ABCC12: variants seen among roughly 807,000 people sequenced by gnomAD.
ABCC12 encodes the protein ATP-binding cassette sub-family C member 12.
ABCC12 carries 142 observed loss-of-function variants against 151.1 expected under a neutral mutation model. That is an observed-to-expected ratio of 0.94 (90% CI 0.82 to 1.08). The LOEUF is 1.08. Among genes scored for constraint, ABCC12 ranks in the 50% least tolerant of loss-of-function variants. ABCC12 has a pLI of 0.00. For missense variants in ABCC12, 1,638 were observed against 1,691.1 expected (o/e 0.97, Z 0.55); for synonymous variants, 645 against 646.4 (o/e 1.00, Z 0.03).
At chr16:48,097,825 C>T (rs926062192) in intron 23 of ABCC12, among the ~76,000 whole-genome samples, 6 of 152,152 alleles carry the variant, frequency 3.9e-5, no homozygotes, top group South Asian at 2.1e-4. Flanking sequence ...ACCGATGCAG[C>T]AATGCTGGCA....
rs1437472928 is a variant in ABCC12, at chr16:48,080,958, T to C, written c.*2757A>G. On this transcript the variant is annotated 3_prime_UTR_variant, in exon 31 of 31. Coordinates refer to ENST00000311303, the MANE Select transcript of ABCC12 (RefSeq NM_001393797.1). ...TCCATGGTCGAGGTGCCAACAGATT[T>C]GGTGTTGAGTGAGGGCCCATTCCTC... is the stretch of plus-strand genomic sequence containing the variant. 6.6e-6 allele frequency among the ~76,000 whole-genome samples: 1 copy of C among 152,202 alleles called. No individual in the cohort carries two copies. The highest frequency in any genetic ancestry group is 1.5e-5 in the Non-Finnish European group (1 of 68,044).
chr16:48,085,726 C>A lies in ABCC12; in HGVS notation c.3715-20G>T, dbSNP rs776927129. The stretch of plus-strand genomic sequence containing the variant: ...CATTATCTACAAAACACAAAAAATG[C>A]CACATTTGTGCTGATGATCTATAAA... On this transcript the variant is annotated intron_variant, in intron 28 of 30. Coordinates refer to ENST00000311303, the MANE Select transcript of ABCC12 (RefSeq NM_001393797.1). The A allele has an allele frequency of 6.3e-7, 1 of 1,582,682 alleles. No homozygotes were observed. Among genetic ancestry groups the A allele is most frequent in the African/African-American group, 1.3e-5 (1 of 74,252 alleles).
At chr16:48,149,156 T>C (rs867991999) in intron 2 of ABCC12, among the ~76,000 whole-genome samples, 2 of 151,454 alleles carry the variant, frequency 1.3e-5, no homozygotes, top group South Asian at 4.2e-4. Context: ...TAACATTGTG[T>C]TAGCCCTAGA....
At chr16:48,116,427 G>C (rs1017870622) in intron 14 of ABCC12, among the ~76,000 whole-genome samples, 3 of 152,210 alleles carry the variant, frequency 2.0e-5, no homozygotes, top group African/African-American at 7.2e-5. Flanking sequence ...AAATTATTCA[G>C]GTGGTGGGAC....
intron 12 of ABCC12, among the ~76,000 whole-genome samples, chr16:48,123,270 G>C (rs1428829226): frequency 6.6e-6 from 1 of 152,156 alleles, no homozygotes; most frequent in Non-Finnish European, 1.5e-5. Context: ...ACATCATTAT[G>C]TGGGGAATTG....
intron 15 of ABCC12, among the ~76,000 whole-genome samples, chr16:48,115,010 C>T (rs772224753): frequency 6.6e-6 from 1 of 152,228 alleles, no homozygotes; most frequent in East Asian, 1.9e-4. Context: ...CTACCACCCC[C>T]TGACACCCCC....
intron 19 of ABCC12, among the ~76,000 whole-genome samples, chr16:48,108,152 A>G (rs747805791): frequency 5.3e-5 from 8 of 152,224 alleles, no homozygotes; most frequent in Non-Finnish European, 1.0e-4. Context: ...TGGACTGGCC[A>G]CTGCTGTACA....
At chr16:48,128,856 G>C in intron 10 of ABCC12, 119 bp from the exon 11 acceptor site, 1 of 1,134,444 alleles carries the variant, frequency 8.8e-7, no homozygotes, top group South Asian at 1.5e-5. Context: ...CCACATCCAG[G>C]AAAGAGGTTC....
Position 48,133,768 on chromosome 16 carries a change from C to G in ABCC12, c.1047G>C (p.Leu349=), listed in dbSNP as rs755865108. The G allele has an allele frequency of 3.1e-6, 5 of 1,614,098 alleles. No individual in the cohort carries two copies. Among genetic ancestry groups the G allele is most frequent in the Non-Finnish European group, 4.2e-6 (5 of 1,180,030 alleles). The change falls in exon 9 of 31, where the codon CTG becomes CTC. Residue 349 remains leucine (L), a synonymous_variant. Transcript: ENST00000311303. ...TGGCTATGGTGGACACGATGGGGGC[C>G]AGGGCAGAGTTTCCACTTTGGACAA... The part of the protein sequence containing the change: ...AGFVQSGNSA[L]APIVSTIAIV...
Position 48,104,374 on chromosome 16 carries a change from G to A in ABCC12, c.2674-6C>T. 1 of 1,612,904 alleles carries A rather than the reference G, an allele frequency of 6.2e-7. No individual in the cohort carries two copies. The highest frequency in any genetic ancestry group is 8.5e-7 in the Non-Finnish European group (1 of 1,178,918). On this transcript the variant is annotated splice_polypyrimidine_tract_variant and splice_region_variant and intron_variant, in intron 21 of 30. Transcript: ENST00000311303. ...CTCATTGGGCTCTTTAAGATCTGTG[G>A]AGAATGGTAGAGAGTCAAACAGAGT...
intron 8 of ABCC12, 80 bp from the exon 9 acceptor site, chr16:48,133,915 G>T: frequency 1.3e-6 from 2 of 1,542,962 alleles, no homozygotes; most frequent in Non-Finnish European, 1.8e-6. Context: ...AGCCCTACTT[G>T]GTCCTCTTCC....
chr16:48,087,934 A>G lies in ABCC12; in HGVS notation c.3627T>C (p.Gly1209=). ...VIPQDPVLFV[G]TVRYNLDPFE... is the part of the protein sequence containing the mutation. The stretch of plus-strand genomic sequence containing the variant: ...TGATTAAAAACAGCTACCTTACTGT[A>G]CCTACAAACAGGACAGGATCCTGTG... Residue 1209 remains glycine, a synonymous_variant, in exon 27 of 31, where the codon GGT becomes GGC. Coordinates refer to ENST00000311303, the MANE Select transcript of ABCC12 (RefSeq NM_001393797.1). 2 of 1,612,464 alleles carry G rather than the reference A, an allele frequency of 1.2e-6. No homozygotes were observed. Among genetic ancestry groups the G allele is most frequent in the Non-Finnish European group, 1.7e-6 (2 of 1,179,052 alleles).
chr16:48,116,927 A>G (rs2150627811), intron 14 of ABCC12, among the ~76,000 whole-genome samples: 1 of 152,288 alleles, frequency 6.6e-6, no homozygotes, highest in South Asian at 2.1e-4. Context: ...CCAGTGAGGC[A>G]AGAAGGGGCC....
intron 2 of ABCC12, among the ~76,000 whole-genome samples, chr16:48,150,233 T>C (rs1965098972): frequency 6.6e-6 from 1 of 152,134 alleles, no homozygotes; most frequent in Non-Finnish European, 1.5e-5. Context: ...TGAAGTTCAA[T>C]CTAGGAAAAC....
At position 48,104,336 on chromosome 16, in the gene ABCC12, C is replaced by T. The variant is rs750986540; in HGVS notation, c.2706G>A (p.Thr902=). 1.4e-5 allele frequency: 23 copies of T among 1,612,530 alleles called. No homozygotes were observed. The highest frequency in any genetic ancestry group is 1.9e-5 in the Non-Finnish European group (23 of 1,179,986). ...GGTTCATTAGCCTGCCAGTGGGAGTCGTGTCAAAGAAACTCATTGGGCTCT... is the reference window on the plus strand; with the variant it reads ...GGTTCATTAGCCTGCCAGTGGGAGTTGTGTCAAAGAAACTCATTGGGCTCT... ...ILKSPMSFFD[T]TPTGRLMNRF... The change falls in exon 22 of 31, where the codon ACG becomes ACA. Residue 902 remains threonine (T), a synonymous_variant. Coordinates refer to ENST00000311303, the MANE Select transcript of ABCC12 (RefSeq NM_001393797.1).
intron 2 of ABCC12, among the ~76,000 whole-genome samples, chr16:48,149,593 A>C (rs1266165364): frequency 6.6e-6 from 1 of 152,170 alleles, no homozygotes; most frequent in Non-Finnish European, 1.5e-5. Flanking sequence ...TCTTAAAGCA[A>C]TTTTCTTTAA....
intron 13 of ABCC12, among the ~76,000 whole-genome samples, chr16:48,117,618 C>A (rs1825311207): frequency 6.6e-6 from 1 of 152,196 alleles, no homozygotes; most frequent in South Asian, 2.1e-4. Flanking sequence ...ACAGGAAAGC[C>A]CTGCAGGAAA....
chr16:48,141,209 C>A lies in ABCC12; in HGVS notation c.420G>T (p.Gly140=). 2 of 1,613,814 alleles carry A rather than the reference C, an allele frequency of 1.2e-6. No individual in the cohort carries two copies. The highest frequency in any genetic ancestry group is 1.7e-6 in the Non-Finnish European group (2 of 1,179,746). ...GAGGAAGGGCTGCCGCACTCACCGG[C>A]CCTATGGCTGCCATGATGATGCACA... ...NILCIIMAAI[G]PTVLIHQILQ... Residue 140 remains glycine, a synonymous_variant, in exon 5 of 31, where the codon GGG becomes GGT. Transcript: ENST00000311303.
chr16:48,124,387 G>T, intron 11 of ABCC12, 103 bp from the exon 12 acceptor site: 1 of 1,126,228 alleles, frequency 8.9e-7, no homozygotes, highest in Non-Finnish European at 1.3e-6. Flanking sequence ...GCCAGGCGGA[G>T]AACAAGGGGT....
Sources: allele counts gnomAD v4.1 joint callset (sites outside exome capture counted in the v4.1 genomes callset), GRCh38; gene constraint gnomAD v4.1.1; transcripts MANE v1.5; gene names NCBI Gene and HGNC (gene_info 2026-07-23, HGNC 2026-07-21).